ACADVL: variants seen among roughly 807,000 people sequenced by gnomAD.
ACADVL encodes the protein acyl-CoA dehydrogenase very long chain, also known as very long-chain acyl-CoA dehydrogenase, mitochondrial.
A neutral mutation model predicts 80.4 loss-of-function variants in ACADVL; 73 were observed. The observed-to-expected ratio is 0.91, with a 90% CI of 0.75 to 1.10. The LOEUF is 1.10. Ranked by LOEUF, ACADVL falls within the 50% of genes least tolerant of loss-of-function variation. The pLI is 0.00. For missense variants in ACADVL, 878 were observed against 858.9 expected (o/e 1.02, Z -0.28); for synonymous variants, 392 against 326.5 (o/e 1.20, Z -2.16).
At position 7,224,142 on chromosome 17, in the gene ACADVL, A is replaced by G. The variant is rs1412310624; in HGVS notation, c.1435-4A>G. ...CCTGACTGCTGGACCCTCTTCCCCCATAGGACAAAGGAAAGGAGCTCTCTG... is the reference window on the plus strand; with the variant it reads ...CCTGACTGCTGGACCCTCTTCCCCCGTAGGACAAAGGAAAGGAGCTCTCTG... On this transcript the variant is annotated splice_polypyrimidine_tract_variant and splice_region_variant and intron_variant, in intron 14 of 19. Transcript: ENST00000356839. 2 of 1,613,986 alleles carry G rather than the reference A, an allele frequency of 1.2e-6. No individual in the cohort carries two copies. The highest frequency in any genetic ancestry group is 2.7e-5 in the African/African-American group (2 of 74,894).
At chr17:7,218,944 T>G, upstream of ACADVL, 1 of 1,372,956 alleles carries the variant, frequency 7.3e-7, no homozygotes, top group Non-Finnish European at 1.0e-6. Flanking sequence ...AAGTAGGCCG[T>G]CTCTGAGCCG....
rs2071346777 is a variant in ACADVL, at chr17:7,223,864, G to A, written c.1321G>A (p.Gly441Ser). The A allele has an allele frequency of 6.2e-7, 1 of 1,614,044 alleles. No homozygotes were observed. The highest frequency in any genetic ancestry group is 1.7e-5 in the Admixed American group (1 of 60,012). ...ATGCATCCAAATCATGGGGGGTATG[G>A]GCTTCATGAAGGTACAGGACGGTCT... ...DECIQIMGGMGFMKEPGVERV... is the reference protein window; with the variant it reads ...DECIQIMGGMSFMKEPGVERV... Residue 441 changes from glycine (G) to serine (S), a missense_variant, in exon 13 of 20, where the codon GGC becomes AGC. Transcript: ENST00000356839.
At chr17:7,224,750 G>GGGCCTGGGCCTGGATCCCAGCC in intron 18 of ACADVL, 36 bp downstream of exon 18, 2 of 1,612,610 alleles carry the variant, frequency 1.2e-6, no homozygotes, top group Non-Finnish European at 1.7e-6. Flanking sequence ...GAGCCGCAGG[G>GGGCCTGGGCCTGGATCCCAGCC]GGCCTGGGCC....
chr17:7,224,837 C>A lies in ACADVL; in HGVS notation c.1780C>A (p.Pro594Thr). The change falls in exon 19 of 20, where the codon CCC (proline) becomes ACC (threonine). Residue 594 changes from proline to threonine, a missense_variant. Physicochemically the swap from Pro to Thr is conservative, Grantham distance 38 (BLOSUM62 -1). Transcript: ENST00000356839. ...CTCAAGATCCCTGAGTGAGGGCCAC[C>A]CCACGGCCCAGCATGAGAAAATGCT... Reference protein sequence around the residue: ...RASRSLSEGHPTAQHEKMLCD... With the variant: ...RASRSLSEGHTTAQHEKMLCD... 1 of 1,614,050 alleles carries A rather than the reference C, an allele frequency of 6.2e-7. No homozygotes were observed. Among genetic ancestry groups the A allele is most frequent in the South Asian group, 1.1e-5 (1 of 91,084 alleles).
upstream of ACADVL, chr17:7,219,535 A>G: frequency 1.9e-6 from 2 of 1,073,396 alleles, no homozygotes; most frequent in Non-Finnish European, 2.3e-6. Context: ...GCCGAGATAG[A>G]TTTCATCAGG....
chr17:7,220,304 A>T (rs2142962450), intron 2 of ACADVL, 107 bp downstream of exon 2: 1 of 1,500,384 alleles, frequency 6.7e-7, no homozygotes, highest in Non-Finnish European at 9.0e-7. Flanking sequence ...CCTACTGCTC[A>T]GTCGCCGAAA....
rs975212779 is a variant in ACADVL at position 7,225,239 on chromosome 17, G to A, written c.*142G>A. On this transcript the variant is annotated 3_prime_UTR_variant, in exon 20 of 20. Transcript: ENST00000356839. The stretch of plus-strand genomic sequence containing the variant: ...TGCTCTCAAGAGCACTTACTGCCTC[G>A]CAAATAATAAAAATTTCTAGCCAGT... 4.2e-5 allele frequency: 48 copies of A among 1,141,502 alleles called. No individual in the cohort carries two copies. The highest frequency in any genetic ancestry group is 6.2e-5 in the African/African-American group (4 of 64,530). The allele number at this position is 1,141,502 out of a possible 1,614,324, so 70.7% of individuals were successfully genotyped here. A position where few individuals can be genotyped will look rare whatever the true frequency, so the allele number is the denominator to read the frequency against.
rs865963860 is a variant in ACADVL at position 7,224,492 on chromosome 17, C to G, written c.1618C>G (p.Leu540Val). The G allele has an allele frequency of 6.2e-7, 1 of 1,613,852 alleles. No homozygotes were observed. Among genetic ancestry groups the G allele is most frequent in the South Asian group, 1.1e-5 (1 of 91,080 alleles). Residue 540 changes from leucine (L) to valine (V), a missense_variant, in exon 17 of 20, where the codon CTG becomes GTG. By Grantham distance (32) the Leu-to-Val change is conservative. Coordinates refer to ENST00000356839, the MANE Select transcript of ACADVL (RefSeq NM_000018.4). ...CCCATCTCTTAAGGCAGTACGGGCT[C>G]TGGAGCAGTTTGCCACTGTGGTGGA... ...SRSGELAVRALEQFATVVEAK... is the reference protein window; with the variant it reads ...SRSGELAVRAVEQFATVVEAK...
intron 6 of ACADVL, chr17:7,221,314 G>C (rs918708705): frequency 1.1e-6 from 1 of 918,486 alleles, no homozygotes; most frequent in African/African-American, 1.7e-5. Flanking sequence ...AGACTGACTA[G>C]TAGCAAGTCA....
chr17:7,221,869 G>A lies in ACADVL; in HGVS notation c.623-83G>A, dbSNP rs554646708. The stretch of plus-strand genomic sequence containing the variant: ...TACTCCCAGGTGTTAAGGGGGAACT[G>A]CCTGCTGGAGGGATGGGGAAGTGGG... On this transcript the variant is annotated intron_variant, in intron 7 of 19. Coordinates refer to ENST00000356839, the MANE Select transcript of ACADVL (RefSeq NM_000018.4). 3.1e-6 allele frequency: 5 copies of A among 1,608,998 alleles called. No homozygotes were observed. In the South Asian group the frequency reaches 5.5e-5, roughly 18 times the overall value.
upstream of ACADVL, chr17:7,219,737 C>G (rs1259789105): frequency 7.6e-6 from 11 of 1,444,594 alleles, no homozygotes; most frequent in Non-Finnish European, 9.1e-6. Context: ...GGACTAGACT[C>G]TAGGTCGGAC....
In ACADVL at chr17:7,222,803, A is replaced by G; in HGVS notation, c.1015A>G (p.Asn339Asp). The change falls in exon 10 of 20, where the codon AAT becomes GAT. Residue 339 changes from asparagine to aspartate, a missense_variant. Physicochemically the swap from Asn to Asp is conservative, Grantham distance 23. Transcript: ENST00000356839. ...CAAGGTTGCCATGCACATCCTCAAC[A>G]ATGGAAGGTTTGGCATGGCTGCGGC... is the stretch of plus-strand genomic sequence containing the variant. ...GFKVAMHILN[N>D]GRFGMAAALA... 1.2e-6 allele frequency: 2 copies of G among 1,613,922 alleles called. No homozygotes were observed. Among genetic ancestry groups the G allele is most frequent in the Non-Finnish European group, 1.7e-6 (2 of 1,180,002 alleles).
intron 10 of ACADVL, 53 bp from the exon 11 acceptor site, chr17:7,223,080 G>A: frequency 6.4e-7 from 1 of 1,555,676 alleles, no homozygotes; most frequent in Non-Finnish European, 8.9e-7. Flanking sequence ...CCTCTCCTAG[G>A]GAGACTGCAG....
chr17:7,219,913 C>CGAGGACGTGGGCGTG (rs1555527381), upstream of ACADVL: 10 of 677,066 alleles, frequency 1.5e-5, no homozygotes, highest in Admixed American at 3.0e-4. Flanking sequence ...GTTAGGGGCG[C>CGAGGACGTGGGCGTG]CAGGACGTGG....
Position 7,220,660 on chromosome 17 carries a change from G to A in ACADVL, c.261G>A (p.Val87=), listed in dbSNP as rs1285191129. 3 of 1,614,228 alleles carry A rather than the reference G, an allele frequency of 1.9e-6. No homozygotes were observed. The highest frequency in any genetic ancestry group is 1.7e-5 in the Admixed American group (1 of 60,024). Reference sequence around the variant, plus strand: ...AAGGCCAGCTCACCACAGATCAGGTGTTCCCATACCCGTCCGGTAAGGGAA... The same window carrying A: ...AAGGCCAGCTCACCACAGATCAGGTATTCCCATACCCGTCCGGTAAGGGAA... The part of the protein sequence containing the change: ...MFKGQLTTDQ[V]FPYPSVLNEE... The change falls in exon 4 of 20, where the codon GTG becomes GTA. Residue 87 remains valine, a synonymous_variant. Coordinates refer to ENST00000356839, the MANE Select transcript of ACADVL (RefSeq NM_000018.4).
At chr17:7,218,547 AG>A (rs2071040527), upstream of ACADVL, 1 of 1,559,862 alleles carries the variant, frequency 6.4e-7, no homozygotes, top group Admixed American at 1.9e-5. Flanking sequence ...TCACCCAGCA[AG>A]GCCTGGAAGA....
chr17:7,218,410 G>A, upstream of ACADVL: 1 of 1,373,912 alleles, frequency 7.3e-7, no homozygotes, highest in Non-Finnish European at 1.0e-6. Flanking sequence ...CCACACTCAT[G>A]GAGGACACCA....
chr17:7,223,535 T>A, intron 11 of ACADVL, 109 bp from the exon 12 acceptor site: 1 of 1,214,038 alleles, frequency 8.2e-7, no homozygotes, highest in South Asian at 1.2e-5. Context: ...AGTATCTGCC[T>A]GACCTGACAA....
At chr17:7,218,699 C>T (rs2071048998), upstream of ACADVL, 9 of 1,540,454 alleles carry the variant, frequency 5.8e-6, no homozygotes, top group Non-Finnish European at 8.0e-6. Context: ...GATGAACACA[C>T]TGTCACTTCA....
Sources: gnomAD v4.1 joint callset for allele counts on GRCh38, gnomAD v4.1.1 for gene constraint, MANE v1.5 for transcripts, NCBI Gene and HGNC (gene_info 2026-07-23, HGNC 2026-07-21) for gene names.